The following ALPK2 variants were observed in gnomAD, a reference collection of about 807,000 sequenced individuals.
ALPK2 encodes the protein alpha kinase 2.
A neutral mutation model predicts 163.1 loss-of-function variants in ALPK2; 127 were observed. The ratio of observed to expected loss-of-function variants is 0.78; its 90% confidence interval spans 0.67 to 0.90. The LOEUF (loss-of-function observed/expected upper bound fraction) is 0.90. ALPK2 is among the 40% of genes least tolerant of loss of function. ALPK2 has a pLI of 0.00. For missense variants in ALPK2, 2,360 were observed against 2,589.6 expected, an observed-to-expected ratio of 0.91 and a Z score of 1.92; for synonymous variants, 953 against 959.1, an observed-to-expected ratio of 0.99 and a Z score of 0.12.
intron 2 of ALPK2, among the ~76,000 whole-genome samples, chr18:58,610,750 G>A (rs1387081349): frequency 6.6e-6 from 1 of 151,380 alleles, no homozygotes; most frequent in African/African-American, 2.4e-5. Flanking sequence ...GACCATCCTG[G>A]CCAACATGGT....
At chr18:58,548,129 C>T (rs2051728667) in intron 4 of ALPK2, among the ~76,000 whole-genome samples, 1 of 152,104 alleles carries the variant, frequency 6.6e-6, no homozygotes, top group South Asian at 2.1e-4. Context: ...TCAAAGTGTA[C>T]AGCAGTGATG....
chr18:58,613,736 AATAATAAT>A (rs2052149103), intron 1 of ALPK2, among the ~76,000 whole-genome samples: 1 of 148,454 alleles, frequency 6.7e-6, no homozygotes, highest in African/African-American at 2.4e-5. Flanking sequence ...TAATAATAAT[AATAATAAT>A]AAAATAAAAA....
intron 3 of ALPK2, among the ~76,000 whole-genome samples, chr18:58,581,986 C>A (rs2051961142): frequency 6.6e-6 from 1 of 152,104 alleles, no homozygotes. Context: ...AGTGTTGAGT[C>A]CCAGCTCACA....
chr18:58,574,684 G>A (rs976428511), intron 4 of ALPK2, among the ~76,000 whole-genome samples: 5 of 152,016 alleles, frequency 3.3e-5, no homozygotes, highest in African/African-American at 9.7e-5. Flanking sequence ...AACCATCCCC[G>A]CCCCGTTCCG....
chr18:58,560,265 A>C (rs1200415964), intron 4 of ALPK2, among the ~76,000 whole-genome samples: 1 of 152,230 alleles, frequency 6.6e-6, no homozygotes, highest in African/African-American at 2.4e-5. Context: ...GCTGCCATCC[A>C]TGTAAGACAT....
At chr18:58,494,342 TC>T (rs1301796589) in intron 12 of ALPK2, among the ~76,000 whole-genome samples, 3 of 152,116 alleles carry the variant, frequency 2.0e-5, no homozygotes, top group Admixed American at 6.5e-5. Context: ...TATCTCTGGC[TC>T]CCAAGAGAAA....
At chr18:58,611,627 G>A in intron 2 of ALPK2, 62 bp downstream of exon 2, 1 of 1,452,520 alleles carries the variant, frequency 6.9e-7, no homozygotes, top group Non-Finnish European at 9.5e-7. Flanking sequence ...GCCTTTGTGA[G>A]CCAAGAAACC....
chr18:58,620,472 A>G (rs970327128), intron 1 of ALPK2, among the ~76,000 whole-genome samples: 1 of 152,238 alleles, frequency 6.6e-6, no homozygotes, highest in Non-Finnish European at 1.5e-5. Context: ...TAGAAATTAT[A>G]AAGACAGAAA....
At chr18:58,612,849 C>T (rs1602240282) in intron 1 of ALPK2, among the ~76,000 whole-genome samples, 1 of 152,220 alleles carries the variant, frequency 6.6e-6, no homozygotes, top group African/African-American at 2.4e-5. Flanking sequence ...GTAGCGTCCA[C>T]TTCTTCACAA....
chr18:58,514,944 G>T, intron 10 of ALPK2, 49 bp downstream of exon 10: 1 of 1,468,276 alleles, frequency 6.8e-7, no homozygotes, highest in Non-Finnish European at 9.4e-7. Context: ...GTCCCTCCTA[G>T]TCCCCAACGA....
At chr18:58,539,283 C>A (rs1436337794) in intron 4 of ALPK2, among the ~76,000 whole-genome samples, 1 of 152,060 alleles carries the variant, frequency 6.6e-6, no homozygotes, top group Non-Finnish European at 1.5e-5. Context: ...GGCAGGCAGA[C>A]CACCTCTACA....
At chr18:58,587,603 T>C (rs531627487) in intron 3 of ALPK2, among the ~76,000 whole-genome samples, 2 of 152,096 alleles carry the variant, frequency 1.3e-5, no homozygotes, top group African/African-American at 4.8e-5. Context: ...GTAACTGAAA[T>C]AAAAAATTCA....
Position 58,481,513 on chromosome 18 carries a change from GT to G in ALPK2, c.*309del, listed in dbSNP as rs2051310916. The G allele has an allele frequency of 2.9e-6, 1 of 343,674 alleles. No homozygotes were observed. Among genetic ancestry groups the G allele is most frequent in the African/African-American group, 2.1e-5 (1 of 47,692 alleles). 21.3% of individuals were successfully genotyped at this position (343,674 alleles called of 1,614,324 possible). A position where few individuals can be genotyped will look rare whatever the true frequency, so the allele number is the denominator to read the frequency against. On this transcript the variant is annotated 3_prime_UTR_variant, in exon 13 of 13. Transcript: ENST00000361673. Reference sequence around the variant, plus strand: ...ACCAGGTCCTCGACAGCACAACCATGTGCAAATACACAAATATACACATGAT... The same window carrying G: ...ACCAGGTCCTCGACAGCACAACCATGGCAAATACACAAATATACACATGAT...
intron 4 of ALPK2, among the ~76,000 whole-genome samples, chr18:58,543,656 C>T (rs1386340242): frequency 1.3e-5 from 2 of 152,156 alleles, no homozygotes; most frequent in Admixed American, 6.5e-5. Flanking sequence ...GCTGAGAAAG[C>T]GTAATACTGT....
chr18:58,525,677 C>G (rs1290883039), intron 6 of ALPK2, among the ~76,000 whole-genome samples: 1 of 152,124 alleles, frequency 6.6e-6, no homozygotes, highest in Non-Finnish European at 1.5e-5. Flanking sequence ...TGTAGCCTGT[C>G]ACCCTCAATT....
chr18:58,552,510 G>C (rs1172063290), intron 4 of ALPK2, among the ~76,000 whole-genome samples: 2 of 152,148 alleles, frequency 1.3e-5, no homozygotes, highest in Admixed American at 6.5e-5. Flanking sequence ...GAGAAGAGAA[G>C]GGACAAGTGT....
At chr18:58,500,064 T>C (rs1354926584) in intron 11 of ALPK2, among the ~76,000 whole-genome samples, 2 of 152,244 alleles carry the variant, frequency 1.3e-5, no homozygotes, top group Non-Finnish European at 2.9e-5. Context: ...AGGCCTGCTT[T>C]TCTGCAGTGC....
chr18:58,500,470 CCT>C (rs747225779), intron 11 of ALPK2, among the ~76,000 whole-genome samples: 83 of 152,104 alleles, frequency 5.5e-4, no homozygotes, highest in Non-Finnish European at 8.5e-4. Flanking sequence ...AAAACTTCCC[CCT>C]GTCAGTTTAA....
At chr18:58,556,843 G>A (rs1204974708) in intron 4 of ALPK2, among the ~76,000 whole-genome samples, 4 of 152,150 alleles carry the variant, frequency 2.6e-5, no homozygotes, top group Non-Finnish European at 5.9e-5. Context: ...CAGGGGAGAC[G>A]GTGCTGCTGT....
Sources: allele counts gnomAD v4.1 joint callset (sites outside exome capture counted in the v4.1 genomes callset), GRCh38; gene constraint gnomAD v4.1.1; transcripts MANE v1.5; gene names NCBI Gene and HGNC (gene_info 2026-07-23, HGNC 2026-07-21).